The following ATXN1 variants were observed in gnomAD, a reference collection of about 807,000 sequenced individuals.
ATXN1 encodes the protein ataxin 1, also known as ataxin-1.
In ATXN1, 8 loss-of-function variants were observed where a neutral mutation model predicts 56.4. The ratio of observed to expected loss-of-function variants is 0.14; its 90% CI spans 0.08 to 0.26. ATXN1 has a LOEUF of 0.26. Among genes scored for constraint, ATXN1 ranks in the 10% least tolerant of loss-of-function variants. The pLI, the probability that ATXN1 is intolerant of heterozygous loss-of-function variation, is 1.00. For missense variants in ATXN1, 987 were observed against 1,106.5 expected (o/e 0.89, Z 1.53); for synonymous variants, 514 against 494.6 (o/e 1.04, Z -0.52).
intron 4 of ATXN1, among the ~76,000 whole-genome samples, chr6:16,572,377 A>T (rs60865965): frequency 0.015 from 2,289 of 152,258 alleles, 72 homozygotes; most frequent in African/African-American, 0.051. Flanking sequence ...CAAAACATAA[A>T]TCTGATTACT....
chr6:16,442,740 G>A (rs1052302526), intron 6 of ATXN1, among the ~76,000 whole-genome samples: 1 of 152,196 alleles, frequency 6.6e-6, no homozygotes, highest in Non-Finnish European at 1.5e-5. Context: ...GGCTGGGCAT[G>A]GTGGCTCACA....
At chr6:16,321,575 G>T (rs544457039) in intron 7 of ATXN1, among the ~76,000 whole-genome samples, 1 of 152,348 alleles carries the variant, frequency 6.6e-6, no homozygotes, top group South Asian at 2.1e-4. Context: ...ACTGGGCAGG[G>T]CAATGCCACA....
intron 4 of ATXN1, among the ~76,000 whole-genome samples, chr6:16,534,218 T>G (rs1294607277): frequency 6.6e-6 from 1 of 151,736 alleles, no homozygotes; most frequent in Non-Finnish European, 1.5e-5. Context: ...CATTAGAGGG[T>G]CCCAAATAAC....
intron 4 of ATXN1, among the ~76,000 whole-genome samples, chr6:16,559,538 G>C (rs770110407): frequency 3.1e-4 from 47 of 152,194 alleles, no homozygotes; most frequent in South Asian, 4.1e-4. Context: ...GCAGAATAGT[G>C]TATGGGGTGT....
rs975407745 is a variant in ATXN1 at position 16,305,664 on chromosome 6, TA to T, written c.*664del. The T allele has an allele frequency of 6.5e-6, 1 of 152,702 alleles. No individual in the cohort carries two copies. Among genetic ancestry groups the T allele is most frequent in the African/African-American group, 2.4e-5 (1 of 41,466 alleles). The allele number at this position is 152,702 out of a possible 1,614,324, so 9.5% of individuals were successfully genotyped here. On this transcript the variant is annotated 3_prime_UTR_variant, in exon 8 of 8. Transcript: ENST00000436367. ...TATATATCAGTGCAGTCAGGCCCCA[TA>T]GGGGGAAATATATATCTATACAATT...
intron 6 of ATXN1, among the ~76,000 whole-genome samples, chr6:16,484,663 T>G (rs1403248608): frequency 6.6e-6 from 1 of 152,156 alleles, no homozygotes; most frequent in African/African-American, 2.4e-5. Flanking sequence ...CTGCTTTCAA[T>G]GAAGCACTGG....
intron 4 of ATXN1, among the ~76,000 whole-genome samples, chr6:16,570,123 T>A (rs1581851532): frequency 6.6e-6 from 1 of 152,244 alleles, no homozygotes; most frequent in East Asian, 1.9e-4. Flanking sequence ...CATCTCTTTG[T>A]TGCATCTCAG....
chr6:16,606,423 T>A (rs1440905197), intron 3 of ATXN1, among the ~76,000 whole-genome samples: 1 of 152,176 alleles, frequency 6.6e-6, no homozygotes, highest in Admixed American at 6.5e-5. Context: ...AGATCCAAAG[T>A]GCAGAGGATC....
At chr6:16,397,352 C>T (rs931649972) in intron 6 of ATXN1, among the ~76,000 whole-genome samples, 8 of 152,132 alleles carry the variant, frequency 5.3e-5, no homozygotes, top group African/African-American at 1.9e-4. Flanking sequence ...CTCACTGCAA[C>T]CTCCACCTCC....
At chr6:16,348,243 T>C (rs774890418) in intron 6 of ATXN1, among the ~76,000 whole-genome samples, 1 of 152,186 alleles carries the variant, frequency 6.6e-6, no homozygotes, top group Non-Finnish European at 1.5e-5. Context: ...TTTAAACTTT[T>C]TTATTCAGAT....
At chr6:16,554,478 T>A (rs1406747757) in intron 4 of ATXN1, among the ~76,000 whole-genome samples, 1 of 152,012 alleles carries the variant, frequency 6.6e-6, no homozygotes, top group Non-Finnish European at 1.5e-5. Flanking sequence ...TGAGATGGAG[T>A]TTGGTTCTTG....
chr6:16,401,214 T>C (rs1348541902), intron 6 of ATXN1, among the ~76,000 whole-genome samples: 1 of 152,190 alleles, frequency 6.6e-6, no homozygotes, highest in Non-Finnish European at 1.5e-5. Context: ...TAGCGAGGGT[T>C]GGCAAGACTT....
intron 3 of ATXN1, among the ~76,000 whole-genome samples, chr6:16,634,992 T>C (rs911930441): frequency 6.6e-6 from 1 of 152,152 alleles, no homozygotes; most frequent in Non-Finnish European, 1.5e-5. Context: ...ACCCCTGGGC[T>C]ACAGACCTCC....
Position 16,404,451 on chromosome 6 carries a change from G to A in ATXN1, c.-160-75981C>T, listed in dbSNP as rs546720257. 1.1e-4 allele frequency among the ~76,000 whole-genome samples: 17 copies of A among 152,232 alleles called. No homozygotes were observed. The East Asian group carries it at 1.4e-3, about 12-fold the overall frequency. ...CCAGAGCCCCCAGCAATGAGAGGGC[G>A]TCTGGTTCACATCTGTCAGGTCCAG... is the stretch of plus-strand genomic sequence containing the variant. On this transcript the variant is annotated intron_variant, in intron 6 of 7. Transcript: ENST00000436367.
chr6:16,364,461 G>T (rs553228517), intron 6 of ATXN1, among the ~76,000 whole-genome samples: 1 of 152,074 alleles, frequency 6.6e-6, no homozygotes, highest in African/African-American at 2.4e-5. Context: ...CCGCCACCAC[G>T]CCTGGCTAAT....
intron 3 of ATXN1, among the ~76,000 whole-genome samples, chr6:16,645,535 A>G (rs1377766708): frequency 6.6e-6 from 1 of 152,210 alleles, no homozygotes; most frequent in Non-Finnish European, 1.5e-5. Context: ...GAGAGGTTCA[A>G]TAGAGGGAGG....
At chr6:16,717,979 G>C (rs1381874242) in intron 2 of ATXN1, among the ~76,000 whole-genome samples, 1 of 152,238 alleles carries the variant, frequency 6.6e-6, no homozygotes, top group Admixed American at 6.5e-5. Flanking sequence ...TACATGTATA[G>C]AATGGAAACT....
At chr6:16,393,903 CTT>C (rs367640759) in intron 6 of ATXN1, among the ~76,000 whole-genome samples, 18 of 127,536 alleles carry the variant, frequency 1.4e-4, no homozygotes, top group South Asian at 2.4e-4. Context: ...ATGGAATCAC[CTT>C]TTTTTTTTTT....
intron 6 of ATXN1, among the ~76,000 whole-genome samples, chr6:16,373,529 G>A (rs755450298): frequency 6.6e-6 from 1 of 152,130 alleles, no homozygotes; most frequent in Non-Finnish European, 1.5e-5. Context: ...GTTTGGCTGT[G>A]TCCCCACCCA....
Sources: allele counts gnomAD v4.1 joint callset (sites outside exome capture counted in the v4.1 genomes callset), GRCh38; gene constraint gnomAD v4.1.1; transcripts MANE v1.5; gene names NCBI Gene and HGNC (gene_info 2026-07-23, HGNC 2026-07-21).